SLC4A5: variants seen among roughly 807,000 people sequenced by gnomAD.
The protein encoded by SLC4A5 is solute carrier family 4 member 5, also known as electrogenic sodium bicarbonate cotransporter 4.
A neutral mutation model predicts 120.4 loss-of-function variants in SLC4A5; 96 were observed. That is an observed-to-expected ratio of 0.80 (90% CI 0.68 to 0.94). The LOEUF is 0.94. Among genes scored for constraint, SLC4A5 ranks in the 40% least tolerant of loss-of-function variants. The pLI is 0.00. For synonymous variants in SLC4A5, 550 were observed against 571.1 expected (o/e 0.96, Z 0.53); for missense variants, 1,259 against 1,459.5 (o/e 0.86, Z 2.24).
chr2:74,233,294 A>G, intron 23 of SLC4A5, 108 bp downstream of exon 23: 2 of 1,332,096 alleles, frequency 1.5e-6, no homozygotes, highest in African/African-American at 1.4e-5. Flanking sequence ...CTCTGTCCTC[A>G]TATTTTCCTG....
Position 74,309,853 on chromosome 2 carries a change from G to A in SLC4A5, c.79+5092C>T, listed in dbSNP as rs184837152. 6.5e-4 allele frequency among the ~76,000 whole-genome samples: 99 copies of A among 151,520 alleles called. No individual in the cohort carries two copies. The East Asian group carries it at 0.018, about 27-fold the overall frequency. On this transcript the variant is annotated intron_variant, in intron 6 of 30. Transcript: ENST00000394019. ...TTTTTTGTATTTTTTTAGTAGAGAC[G>A]GGGTTTCACCGTGTTAGCCAGGATG... is the stretch of plus-strand genomic sequence containing the variant.
intron 7 of SLC4A5, among the ~76,000 whole-genome samples, chr2:74,288,179 A>C (rs1189666686): frequency 6.6e-6 from 1 of 152,160 alleles, no homozygotes; most frequent in Non-Finnish European, 1.5e-5. Context: ...CTTTTCTTGA[A>C]AAGTCAGATG....
rs528676385 is a variant in SLC4A5 at position 74,315,441 on chromosome 2, C to T, written c.-2-416G>A. ...GGGAACAGAGCAAGACTCTGTCTTA[C>T]GAAAAGAAAAAAAAAAAAAAAAAAG... On this transcript the variant is annotated intron_variant, in intron 5 of 30. Coordinates refer to ENST00000394019, the Ensembl canonical transcript of SLC4A5. 1.3e-3 allele frequency among the ~76,000 whole-genome samples: 102 copies of T among 79,592 alleles called. No homozygotes were observed. In the East Asian group the frequency reaches 0.057, roughly 44 times the overall value. 52.2% of individuals were successfully genotyped at this position (79,592 alleles called of 152,430 possible). A position where few individuals can be genotyped will look rare whatever the true frequency, so the allele number is the denominator to read the frequency against.
exon 10 of SLC4A5, chr2:74,264,159 C>T: frequency 6.2e-7 from 1 of 1,613,856 alleles, no homozygotes; most frequent in Non-Finnish European, 8.5e-7. Flanking sequence ...GTGGTGGAGA[C>T]TGACTTCCCA....
intron 6 of SLC4A5, among the ~76,000 whole-genome samples, chr2:74,311,994 C>T (rs1021535759): frequency 6.6e-6 from 1 of 152,130 alleles, no homozygotes; most frequent in African/African-American, 2.4e-5. Flanking sequence ...CTGTTAGGTA[C>T]ATACATGTTA....
chr2:74,219,115 G>T (rs966933505), intron 30 of SLC4A5, among the ~76,000 whole-genome samples: 2 of 151,792 alleles, frequency 1.3e-5, no homozygotes, highest in Non-Finnish European at 2.9e-5. Context: ...ACAGTCTTCT[G>T]TGTTTGTAGT....
In SLC4A5 at chr2:74,247,334, C is replaced by T. The variant is rs374119593; in HGVS notation, c.1788-27G>A. ...TGGAAGGCAGAGGGGAGGTGAGGGG[C>T]CTCCAGCCCAGGGCTCCTGGCTGTG... On this transcript the variant is annotated intron_variant, in intron 18 of 30. Transcript: ENST00000394019. 835 of 1,599,712 alleles carry T rather than the reference C, an allele frequency of 5.2e-4. 16 individuals carry two copies. In the South Asian group the frequency reaches 9.0e-3, roughly 17 times the overall value.
At chr2:74,285,491 T>C (rs951869214) in intron 8 of SLC4A5, among the ~76,000 whole-genome samples, 1 of 152,218 alleles carries the variant, frequency 6.6e-6, no homozygotes, top group South Asian at 2.1e-4. Flanking sequence ...CAGTGCCCTA[T>C]GGATATGGAG....
At chr2:74,289,779 G>C (rs1403827224) in intron 7 of SLC4A5, among the ~76,000 whole-genome samples, 1 of 151,884 alleles carries the variant, frequency 6.6e-6, no homozygotes, top group Non-Finnish European at 1.5e-5. Flanking sequence ...TGATTCTGAG[G>C]GGCCATACCA....
intron 22 of SLC4A5, 21 bp from the exon 23 acceptor site, chr2:74,233,584 A>T (rs1419576411): frequency 1.9e-6 from 3 of 1,597,766 alleles, no homozygotes; most frequent in Non-Finnish European, 8.5e-7. Context: ...GCAAACAGAG[A>T]GGGGCCCTTT....
chr2:74,259,112 G>A (rs532984403), intron 12 of SLC4A5, among the ~76,000 whole-genome samples: 25 of 152,312 alleles, frequency 1.6e-4, no homozygotes, highest in African/African-American at 5.8e-4. Flanking sequence ...ATCTCATCAC[G>A]AGGGTTTCAG....
chr2:74,297,000 TAGAA>T (rs979608723), intron 7 of SLC4A5, among the ~76,000 whole-genome samples: 1 of 152,178 alleles, frequency 6.6e-6, no homozygotes, highest in Non-Finnish European at 1.5e-5. Context: ...AGTGTCTTAA[TAGAA>T]AGCCTTTCTC....
intron 5 of SLC4A5, among the ~76,000 whole-genome samples, chr2:74,322,877 GA>G (rs1293155599): frequency 6.6e-6 from 1 of 152,142 alleles, no homozygotes. Flanking sequence ...AAAACAATCA[GA>G]AACAGGTCAC....
intron 16 of SLC4A5, 70 bp downstream of exon 16, chr2:74,252,109 C>A: frequency 6.5e-7 from 1 of 1,530,958 alleles, no homozygotes; most frequent in East Asian, 2.3e-5. Flanking sequence ...TGGGAAAAGT[C>A]CCTAGAGGGC....
At chr2:74,323,980 G>C (rs1383599289) in intron 5 of SLC4A5, among the ~76,000 whole-genome samples, 5 of 152,166 alleles carry the variant, frequency 3.3e-5, no homozygotes, top group Admixed American at 1.3e-4. Flanking sequence ...GGCATATGGA[G>C]GAAGCTGGAA....
chr2:74,288,369 CTT>C (rs1230901806), intron 7 of SLC4A5, among the ~76,000 whole-genome samples: 4 of 152,278 alleles, frequency 2.6e-5, no homozygotes, highest in South Asian at 2.1e-4. Flanking sequence ...TCAGATCCCT[CTT>C]GTTATTTTAA....
chr2:74,285,151 G>A (rs991400126), intron 8 of SLC4A5, among the ~76,000 whole-genome samples: 2 of 152,136 alleles, frequency 1.3e-5, no homozygotes, highest in African/African-American at 2.4e-5. Flanking sequence ...AGGCTGAAGC[G>A]GGAGGATCAC....
intron 27 of SLC4A5, among the ~76,000 whole-genome samples, chr2:74,225,822 T>C (rs555576790): frequency 6.6e-6 from 1 of 152,236 alleles, no homozygotes; most frequent in Non-Finnish European, 1.5e-5. Context: ...AAAAAATCAA[T>C]AGGTGGAGGG....
At chr2:74,252,844 T>A in intron 15 of SLC4A5, 130 bp downstream of exon 15, 1 of 1,113,808 alleles carries the variant, frequency 9.0e-7, no homozygotes, top group East Asian at 2.5e-5. Context: ...TGCCTCAGCA[T>A]CCCAAAGTGT....
Sources: allele counts gnomAD v4.1 joint callset (sites outside exome capture counted in the v4.1 genomes callset), GRCh38; gene constraint gnomAD v4.1.1; transcripts MANE v1.5; gene names NCBI Gene and HGNC (gene_info 2026-07-23, HGNC 2026-07-21).